The following PRKG1 variants were observed in gnomAD, a reference collection of about 807,000 sequenced individuals.
PRKG1 encodes cGMP-dependent protein kinase 1.
Under a neutral mutation model 88.1 loss-of-function variants are expected in PRKG1, and 35 were observed. The observed-to-expected ratio is 0.40, with a 90% confidence interval of 0.30 to 0.53. PRKG1 has a LOEUF of 0.53. Ranked by LOEUF, PRKG1 falls within the 20% of genes least tolerant of loss-of-function variation. The pLI is 0.59. For missense variants in PRKG1, 540 were observed against 839.8 expected (o/e 0.64, Z 4.41); for synonymous variants, 303 against 292.5 (o/e 1.04, Z -0.37).
intron 2 of PRKG1, among the ~76,000 whole-genome samples, chr10:51,249,022 A>G (rs1358035667): frequency 6.6e-6 from 1 of 151,836 alleles, no homozygotes; most frequent in African/African-American, 2.4e-5. Flanking sequence ...TGGCTCATGG[A>G]GATTAAAAGC....
At chr10:52,200,227 C>T (rs1839629897) in intron 9 of PRKG1, among the ~76,000 whole-genome samples, 1 of 152,088 alleles carries the variant, frequency 6.6e-6, no homozygotes, top group Non-Finnish European at 1.5e-5. Flanking sequence ...CACTATCAAA[C>T]AGGCCCTGGT....
chr10:52,123,722 A>G (rs181232063), intron 7 of PRKG1, among the ~76,000 whole-genome samples: 12 of 152,222 alleles, frequency 7.9e-5, no homozygotes, highest in Middle Eastern at 3.4e-3. Context: ...TACTAATTCA[A>G]TTTTCTTAAA....
At position 50,991,179 on chromosome 10, in the gene PRKG1, T is replaced by C; in HGVS notation, c.-200T>C. The C allele has an allele frequency of 5.9e-6, 4 of 675,094 alleles. No individual in the cohort carries two copies. Among genetic ancestry groups the C allele is most frequent in the Non-Finnish European group, 9.3e-6 (4 of 428,588 alleles). 41.8% of individuals were successfully genotyped at this position (675,094 alleles called of 1,614,324 possible). ...CTTCTCATCCTCCCCTCGGTGCTTT[T>C]AGTCCATTCAGCAGAAGCGGATCGA... On this transcript the variant is annotated 5_prime_UTR_variant, in exon 1 of 18. Transcript: ENST00000401604. This position sits in a 1 kb window ranked among gnomAD's most constrained non-coding sequence, Gnocchi z 4.5.
At chr10:51,333,127 TAAA>T (rs1841784438) in intron 2 of PRKG1, among the ~76,000 whole-genome samples, 1 of 152,164 alleles carries the variant, frequency 6.6e-6, no homozygotes, top group African/African-American at 2.4e-5. Flanking sequence ...AGCCATCTCT[TAAA>T]GAAGCTGGTA....
rs28550770 is a variant in PRKG1, at chr10:51,416,564, A to G, written c.479-51159A>G. ...CCGGGACACAGTAATCTTGTTCTAC[A>G]TAAAATAGAAATAAAATAATCTACT... On this transcript the variant is annotated intron_variant, in intron 2 of 17. Transcript: ENST00000373980. Among the ~76,000 whole-genome samples, 464 of 152,354 alleles carry G rather than the reference A, an allele frequency of 3.0e-3. 2 individuals carry two copies. The highest frequency in any genetic ancestry group is 0.011 in the African/African-American group (441 of 41,584).
Position 50,991,207 on chromosome 10 carries a change from C to A in PRKG1, c.-172C>A. On this transcript the variant is annotated 5_prime_UTR_variant, in exon 1 of 18. Coordinates refer to the PRKG1 transcript ENST00000401604. The surrounding 1 kb of genome is among the most constrained non-coding windows in gnomAD (Gnocchi z 4.5). The stretch of plus-strand genomic sequence containing the variant: ...TCCATTCAGCAGAAGCGGATCGAAG[C>A]AGGAGGCTCCCCGCGCCGCATTAGG... 1.1e-6 allele frequency: 1 copy of A among 929,044 alleles called. No homozygotes were observed. The highest frequency in any genetic ancestry group is 1.5e-6 in the Non-Finnish European group (1 of 647,420). 57.6% of individuals were successfully genotyped at this position (929,044 alleles called of 1,614,324 possible).
At chr10:52,255,930 G>T (rs1264775478) in intron 10 of PRKG1, among the ~76,000 whole-genome samples, 1 of 151,206 alleles carries the variant, frequency 6.6e-6, no homozygotes, top group Admixed American at 6.6e-5. Context: ...CATGTTCATT[G>T]TATAATTTTG....
At chr10:51,408,322 A>AC (rs776648799) in intron 2 of PRKG1, among the ~76,000 whole-genome samples, 1 of 152,166 alleles carries the variant, frequency 6.6e-6, no homozygotes, top group Non-Finnish European at 1.5e-5. Flanking sequence ...ACATGGTAAG[A>AC]CCAGTGAATT....
chr10:51,176,671 T>C (rs1180758385), intron 2 of PRKG1, among the ~76,000 whole-genome samples: 3 of 152,056 alleles, frequency 2.0e-5, no homozygotes, highest in Non-Finnish European at 4.4e-5. Flanking sequence ...TTTTCTAAAG[T>C]GGTGACAGGG....
At chr10:51,453,576 C>T (rs773667934) in intron 2 of PRKG1, among the ~76,000 whole-genome samples, 2 of 151,840 alleles carry the variant, frequency 1.3e-5, no homozygotes, top group African/African-American at 4.8e-5. Context: ...GACCCAAAGA[C>T]CATTTAAAAT....
intron 2 of PRKG1, among the ~76,000 whole-genome samples, chr10:51,412,612 C>G (rs907008597): frequency 2.6e-5 from 4 of 152,082 alleles, no homozygotes; most frequent in African/African-American, 9.7e-5. Flanking sequence ...CCATTGCACT[C>G]CAGCCTGAGT....
intron 3 of PRKG1, among the ~76,000 whole-genome samples, chr10:51,605,075 G>A (rs556269558): frequency 6.9e-4 from 105 of 152,252 alleles, no homozygotes; most frequent in Non-Finnish European, 1.0e-3. Flanking sequence ...GTCCTCCCCT[G>A]GAGTCGGGCC....
At chr10:51,815,978 G>C (rs1468450822) in intron 4 of PRKG1, among the ~76,000 whole-genome samples, 2 of 152,306 alleles carry the variant, frequency 1.3e-5, no homozygotes, top group East Asian at 3.9e-4. Context: ...GGCAGTGAGG[G>C]AGAGCAAGGG....
At chr10:52,200,777 T>A (rs890673385) in intron 9 of PRKG1, among the ~76,000 whole-genome samples, 3 of 152,220 alleles carry the variant, frequency 2.0e-5, no homozygotes, top group African/African-American at 7.2e-5. Context: ...TATCTCATTG[T>A]GATTTAGATT....
chr10:51,963,148 G>A (rs1029391635), intron 5 of PRKG1, among the ~76,000 whole-genome samples: 1 of 152,058 alleles, frequency 6.6e-6, no homozygotes, highest in African/African-American at 2.4e-5. Flanking sequence ...CTAAAAATTT[G>A]ATAATGAATG....
chr10:51,504,944 C>T (rs1841150353), intron 3 of PRKG1, among the ~76,000 whole-genome samples: 1 of 152,110 alleles, frequency 6.6e-6, no homozygotes, highest in African/African-American at 2.4e-5. Flanking sequence ...TCCTCTTTTC[C>T]TAATTGAATA....
chr10:52,225,243 A>C (rs543586270), intron 9 of PRKG1, among the ~76,000 whole-genome samples: 14 of 152,086 alleles, frequency 9.2e-5, no homozygotes, highest in Admixed American at 7.9e-4. Flanking sequence ...AGTGATGTTG[A>C]GTATGTTTTC....
At chr10:52,049,608 C>T (rs77523285) in intron 5 of PRKG1, among the ~76,000 whole-genome samples, 23 of 151,996 alleles carry the variant, frequency 1.5e-4, no homozygotes, top group African/African-American at 4.3e-4. Flanking sequence ...GATGAGTAGA[C>T]AAGTGACAGG....
At chr10:52,138,112 C>T (rs972655148) in intron 8 of PRKG1, among the ~76,000 whole-genome samples, 12 of 152,000 alleles carry the variant, frequency 7.9e-5, no homozygotes, top group African/African-American at 2.9e-4. Context: ...AAAATGGAAA[C>T]ATTTTCATGC....
Sources: allele counts gnomAD v4.1 joint callset (sites outside exome capture counted in the v4.1 genomes callset), GRCh38; gene constraint gnomAD v4.1.1; non-coding constraint Gnocchi (gnomAD v3.1); transcripts MANE v1.5; gene names NCBI Gene and HGNC (gene_info 2026-07-23, HGNC 2026-07-21).